Variants in NTM observed in about 807,000 individuals in gnomAD.
The protein encoded by NTM is neurotrimin, also known as IgLON family member 2.
Under a neutral mutation model 42.1 loss-of-function variants are expected in NTM, and 13 were observed. The observed-to-expected ratio is 0.31, with a 90% CI of 0.20 to 0.49. The LOEUF (loss-of-function observed/expected upper bound fraction) is 0.49. Ranked by LOEUF, NTM falls within the 20% of genes least tolerant of loss-of-function variation. NTM has a pLI of 0.99. For synonymous variants in NTM, 187 were observed against 179.2 expected (o/e 1.04, Z -0.35); for missense variants, 373 against 452.8 (o/e 0.82, Z 1.60).
rs541799931 is a variant in NTM, at chr11:131,736,779, A to G, written c.83-174785A>G. Among the ~76,000 whole-genome samples the G allele has an allele frequency of 2.0e-5, 3 of 152,308 alleles. No homozygotes were observed. The South Asian group carries it at 6.2e-4, about 32-fold the overall frequency. The stretch of plus-strand genomic sequence containing the variant: ...TCTTAGGGTGGCATAAGGGGAGACG[A>G]GGGAGACAGAAAGGGAAGGATGAAT... On this transcript the variant is annotated intron_variant, in intron 1 of 8. Coordinates refer to ENST00000683400, the MANE Select transcript of NTM (RefSeq NM_001352005.2).
chr11:131,866,864 T>C (rs952378063), intron 1 of NTM, among the ~76,000 whole-genome samples: 3 of 152,282 alleles, frequency 2.0e-5, no homozygotes, highest in Middle Eastern at 3.4e-3. Flanking sequence ...AACCTAGGAT[T>C]CTTTAGACAA....
At chr11:132,181,829 G>A (rs1215071817) in intron 3 of NTM, among the ~76,000 whole-genome samples, 1 of 151,994 alleles carries the variant, frequency 6.6e-6, no homozygotes, top group Non-Finnish European at 1.5e-5. Flanking sequence ...AACTATGTAT[G>A]CAAATTCCTT....
chr11:131,928,719 G>A (rs527696811), intron 2 of NTM, among the ~76,000 whole-genome samples: 9 of 147,072 alleles, frequency 6.1e-5, no homozygotes, highest in Non-Finnish European at 8.9e-5. Context: ...GTGGTCTCCC[G>A]TCTGTGTTTT....
intron 2 of NTM, among the ~76,000 whole-genome samples, chr11:132,135,310 C>T (rs2067683121): frequency 6.6e-6 from 1 of 152,210 alleles, no homozygotes; most frequent in African/African-American, 2.4e-5. Context: ...CTTTCTAGCA[C>T]CTTCCTTTCC....
chr11:132,076,467 T>C (rs746142565), intron 2 of NTM, among the ~76,000 whole-genome samples: 5 of 152,200 alleles, frequency 3.3e-5, no homozygotes, highest in Admixed American at 2.6e-4. Context: ...GGTTTAACAG[T>C]GTAGTGGACA....
intron 1 of NTM, among the ~76,000 whole-genome samples, chr11:131,421,581 G>C (rs1027019417): frequency 2.0e-5 from 3 of 152,176 alleles, no homozygotes; most frequent in African/African-American, 7.2e-5. Flanking sequence ...GTTCCAGCCG[G>C]TTTCCCTAAG....
At chr11:132,036,453 A>T (rs1171046364) in intron 2 of NTM, among the ~76,000 whole-genome samples, 1 of 152,194 alleles carries the variant, frequency 6.6e-6, no homozygotes, top group Non-Finnish European at 1.5e-5. Flanking sequence ...TTTGAAGCTC[A>T]TGTTAATGCA....
At chr11:131,955,808 G>A (rs911882186) in intron 2 of NTM, among the ~76,000 whole-genome samples, 1 of 151,674 alleles carries the variant, frequency 6.6e-6, no homozygotes, top group Admixed American at 6.6e-5. Flanking sequence ...CTCCAAAATT[G>A]CCTTCTCCTA....
intron 1 of NTM, among the ~76,000 whole-genome samples, chr11:131,766,578 C>A (rs989649230): frequency 6.6e-6 from 1 of 152,064 alleles, no homozygotes; most frequent in South Asian, 2.1e-4. Context: ...ACAGCAGGCC[C>A]CCCCCTTCTG....
rs188211253 is a variant in NTM at position 131,775,362 on chromosome 11, A to G, written c.83-136202A>G. The stretch of plus-strand genomic sequence containing the variant: ...CACTTGGTTTTCGTTTTTGCTGTGC[A>G]TATCACTTGCTTAACAAGGAAAAAG... On this transcript the variant is annotated intron_variant, in intron 1 of 8. Coordinates refer to ENST00000683400, the MANE Select transcript of NTM (RefSeq NM_001352005.2). Among the ~76,000 whole-genome samples, 183 of 152,316 alleles carry G rather than the reference A, an allele frequency of 1.2e-3. 1 individual carries two copies. Among genetic ancestry groups the G allele is most frequent in the African/African-American group, 4.1e-3 (170 of 41,586 alleles).
Position 132,003,556 on chromosome 11 carries a change from A to AT in NTM, c.167+91913dup. Among the ~76,000 whole-genome samples the AT allele has an allele frequency of 6.6e-6, 1 of 152,190 alleles. No homozygotes were observed. Among genetic ancestry groups the AT allele is most frequent in the East Asian group, 1.9e-4 (1 of 5,148 alleles). On this transcript the variant is annotated intron_variant, in intron 2 of 8. Coordinates refer to ENST00000683400, the MANE Select transcript of NTM (RefSeq NM_001352005.2). This position sits in a 1 kb window ranked among gnomAD's most constrained non-coding sequence, Gnocchi z 6.0. The stretch of plus-strand genomic sequence containing the variant: ...CCACTGCGCCTGGCCCATGATTTGC[A>AT]TTTTTAACAAGTTCCTGGGTAAAAC...
At chr11:131,830,796 T>G (rs2042722643) in intron 1 of NTM, among the ~76,000 whole-genome samples, 1 of 152,222 alleles carries the variant, frequency 6.6e-6, no homozygotes, top group Admixed American at 6.5e-5. Context: ...TCTTCCAATC[T>G]GTGAGCATGG....
At chr11:131,497,402 T>C (rs1245259208) in intron 1 of NTM, among the ~76,000 whole-genome samples, 1 of 152,130 alleles carries the variant, frequency 6.6e-6, no homozygotes, top group Non-Finnish European at 1.5e-5. Context: ...TTGCCCAGGC[T>C]GGTCTTGAAC....
intron 1 of NTM, among the ~76,000 whole-genome samples, chr11:131,703,954 C>A (rs995173273): frequency 2.0e-5 from 3 of 152,182 alleles, no homozygotes; most frequent in African/African-American, 7.2e-5. Context: ...CAGCTCCAGC[C>A]TCTAGGGTTG....
chr11:132,069,663 C>A (rs1224259465), intron 2 of NTM, among the ~76,000 whole-genome samples: 1 of 149,872 alleles, frequency 6.7e-6, no homozygotes, highest in Non-Finnish European at 1.5e-5. Flanking sequence ...CAAGTTAACA[C>A]GTCACACTGA....
intron 1 of NTM, among the ~76,000 whole-genome samples, chr11:131,493,620 C>A (rs1031862765): frequency 2.6e-5 from 4 of 152,208 alleles, no homozygotes; most frequent in East Asian, 1.9e-4. Context: ...TGTATTACAT[C>A]TGATCTGAAG....
chr11:131,560,127 G>A (rs2056029758), intron 1 of NTM, among the ~76,000 whole-genome samples: 1 of 152,186 alleles, frequency 6.6e-6, no homozygotes, highest in Non-Finnish European at 1.5e-5. Flanking sequence ...AGATTCTGCA[G>A]GTAAAAGTTT....
At chr11:131,932,046 C>T (rs1338220744) in intron 2 of NTM, among the ~76,000 whole-genome samples, 4 of 152,178 alleles carry the variant, frequency 2.6e-5, no homozygotes, top group African/African-American at 9.7e-5. Context: ...GACTGATAAG[C>T]GTGTCTCTGG....
At chr11:131,587,594 A>G (rs2058988612) in intron 1 of NTM, among the ~76,000 whole-genome samples, 1 of 152,234 alleles carries the variant, frequency 6.6e-6, no homozygotes, top group South Asian at 2.1e-4. Flanking sequence ...GATGAATAAT[A>G]TAGATGTAGA....
Sources: gnomAD v4.1 joint callset for allele counts (sites outside exome capture counted in the v4.1 genomes callset) on GRCh38, gnomAD v4.1.1 for gene constraint, Gnocchi (gnomAD v3.1) non-coding constraint, MANE v1.5 for transcripts, NCBI Gene and HGNC (gene_info 2026-07-23, HGNC 2026-07-21) for gene names.